Variants in EPB41 observed in about 807,000 individuals in gnomAD.
EPB41 encodes the protein erythrocyte membrane protein band 4.1.
A neutral mutation model predicts 108.0 loss-of-function variants in EPB41; 65 were observed. The ratio of observed to expected loss-of-function variants is 0.60; its 90% CI spans 0.49 to 0.74. The LOEUF (loss-of-function observed/expected upper bound fraction) is 0.74, where lower values mean the gene tolerates loss of function less well. EPB41 is among the 30% of genes least tolerant of loss of function. The probability of loss-of-function intolerance (pLI) is 0.00; values close to 1 mark genes in which losing one functional copy is unlikely to be tolerated. For missense variants in EPB41, 875 were observed against 1,037.0 expected, an observed-to-expected ratio of 0.84 and a Z score of 2.15; for synonymous variants, 336 against 358.9, an observed-to-expected ratio of 0.94 and a Z score of 0.72.
chr1:29,009,963 A>G (rs2096471338), intron 4 of EPB41, among the ~76,000 whole-genome samples: 1 of 152,186 alleles, frequency 6.6e-6, no homozygotes, highest in African/African-American at 2.4e-5. Context: ...CATTCCTTCA[A>G]TAGGGCAAAT....
chr1:28,916,526 A>G (rs574473275), intron 1 of EPB41, among the ~76,000 whole-genome samples: 1 of 152,074 alleles, frequency 6.6e-6, no homozygotes, highest in Non-Finnish European at 1.5e-5. Context: ...AATCCCACCT[A>G]CTCAGTAGGT....
At chr1:29,025,951 G>T (rs1258879344) in intron 7 of EPB41, among the ~76,000 whole-genome samples, 1 of 152,006 alleles carries the variant, frequency 6.6e-6, no homozygotes, top group Admixed American at 6.6e-5. Flanking sequence ...GAGCAAGAAG[G>T]GCATCCATGT....
At chr1:29,111,810 C>T (rs909161725) in intron 18 of EPB41, among the ~76,000 whole-genome samples, 1 of 151,768 alleles carries the variant, frequency 6.6e-6, no homozygotes, top group Non-Finnish European at 1.5e-5. Context: ...AACCCCATCT[C>T]TACTAAAAAT....
At chr1:29,065,860 CAG>C (rs1573453521) in intron 16 of EPB41, 2 of 150,738 alleles carry the variant, frequency 1.3e-5, no homozygotes, top group African/African-American at 4.9e-5. Context: ...TCCAGCTACT[CAG>C]GGGGCTGAAA....
chr1:29,058,266 A>T (rs543730997), intron 12 of EPB41, among the ~76,000 whole-genome samples: 3 of 152,384 alleles, frequency 2.0e-5, no homozygotes, highest in African/African-American at 7.2e-5. Flanking sequence ...AAATAAGCCT[A>T]AATTATTCTT....
chr1:28,927,730 A>G (rs572176384), intron 1 of EPB41, among the ~76,000 whole-genome samples: 5 of 151,790 alleles, frequency 3.3e-5, no homozygotes, highest in Non-Finnish European at 5.9e-5. Context: ...TATTAATAGT[A>G]TATTTGGGAG....
intron 11 of EPB41, among the ~76,000 whole-genome samples, chr1:29,049,970 T>C (rs1644208022): frequency 6.6e-6 from 1 of 152,182 alleles, no homozygotes; most frequent in Non-Finnish European, 1.5e-5. Context: ...ATTATATATT[T>C]TAAATGAGTG....
At chr1:29,061,501 C>T (rs1181993778) in intron 15 of EPB41, among the ~76,000 whole-genome samples, 1 of 151,206 alleles carries the variant, frequency 6.6e-6, no homozygotes, top group East Asian at 1.9e-4. Context: ...GATCTCCTGA[C>T]CTCGTGATTC....
Position 28,900,479 on chromosome 1 carries a change from G to C in EPB41, c.-8+13269G>C, listed in dbSNP as rs1365797658. The stretch of plus-strand genomic sequence containing the variant: ...ATTTTTGTATTTTTAGTAGAGATGG[G>C]GTTTCACCATGTTGGCCAGGCTGGT... On this transcript the variant is annotated intron_variant, in intron 1 of 16. Transcript: ENST00000347529. Among the ~76,000 whole-genome samples the C allele has an allele frequency of 7.9e-5, 12 of 151,828 alleles. No homozygotes were observed. The East Asian group carries it at 1.7e-3, about 22-fold the overall frequency.
At chr1:28,924,349 C>T (rs982043226) in intron 1 of EPB41, among the ~76,000 whole-genome samples, 7 of 152,150 alleles carry the variant, frequency 4.6e-5, no homozygotes, top group African/African-American at 1.4e-4. Context: ...GCCAACATGG[C>T]GAAACCCCGT....
chr1:28,967,353 G>C (rs1027283675), intron 1 of EPB41, among the ~76,000 whole-genome samples: 1 of 152,104 alleles, frequency 6.6e-6, no homozygotes, highest in African/African-American at 2.4e-5. Flanking sequence ...AAATGTGTTT[G>C]GTTCCAGGTA....
intron 1 of EPB41, among the ~76,000 whole-genome samples, chr1:28,903,326 C>CTT (rs1288999444): frequency 8.5e-4 from 116 of 137,062 alleles, no homozygotes; most frequent in African/African-American, 2.9e-3. Flanking sequence ...TCTTTTCTTT[C>CTT]TTTTTTTTTT....
intron 6 of EPB41, 82 bp downstream of exon 6, chr1:29,015,849 T>G: frequency 3.2e-6 from 3 of 936,184 alleles, no homozygotes; most frequent in Non-Finnish European, 5.1e-6. Flanking sequence ...CCATAAGCTC[T>G]GCTAATTCCG....
At chr1:29,080,750 C>A (rs927987057) in intron 16 of EPB41, among the ~76,000 whole-genome samples, 2 of 152,218 alleles carry the variant, frequency 1.3e-5, no homozygotes, top group East Asian at 3.8e-4. Flanking sequence ...CTTGGCCAGG[C>A]TCCTTTTGCT....
intron 1 of EPB41, among the ~76,000 whole-genome samples, chr1:28,901,217 C>CCATGTCCAGCTAATTTT (rs1557621439): frequency 3.0e-4 from 44 of 147,436 alleles, no homozygotes; most frequent in East Asian, 6.7e-4. Flanking sequence ...GCGTGAGCCA[C>CCATGTCCAGCTAATTTT]TGCACCCGGC....
intron 4 of EPB41, among the ~76,000 whole-genome samples, chr1:28,999,009 A>G (rs985453556): frequency 1.3e-5 from 2 of 152,266 alleles, no homozygotes; most frequent in Non-Finnish European, 2.9e-5. Flanking sequence ...ATTGAAGTTA[A>G]TTTAAAAACA....
chr1:28,985,919 C>A (rs2095860479), intron 1 of EPB41: 1 of 150,814 alleles, frequency 6.6e-6, no homozygotes, highest in Admixed American at 6.6e-5. Context: ...CATGCTGGTG[C>A]GCTGCACCCA....
intron 11 of EPB41, 133 bp downstream of exon 11, chr1:29,039,559 T>G: frequency 1.7e-6 from 2 of 1,179,670 alleles, no homozygotes; most frequent in Non-Finnish European, 2.4e-6. Flanking sequence ...ACACCTGTAA[T>G]CCTAGCACTT....
chr1:28,889,998 A>ATATTT (rs745536373), intron 1 of EPB41: 1 of 152,648 alleles, frequency 6.6e-6, no homozygotes, highest in Non-Finnish European at 1.4e-5. Flanking sequence ...TTAGATTCTG[A>ATATTT]TATTTTATTT....
Sources: allele counts gnomAD v4.1 joint callset (sites outside exome capture counted in the v4.1 genomes callset), GRCh38; gene constraint gnomAD v4.1.1; transcripts MANE v1.5; gene names NCBI Gene and HGNC (gene_info 2026-07-23, HGNC 2026-07-21).